The following CACNA2D1 variants were observed in gnomAD, a reference collection of about 807,000 sequenced individuals.
CACNA2D1 encodes the protein voltage-dependent calcium channel subunit alpha-2/delta-1.
Under a neutral mutation model 171.5 loss-of-function variants are expected in CACNA2D1, and 53 were observed. The observed-to-expected ratio is 0.31, with a 90% CI of 0.25 to 0.39. CACNA2D1 has a LOEUF of 0.39. CACNA2D1 is among the 10% of genes least tolerant of loss of function. The probability of loss-of-function intolerance (pLI) is 1.00; values close to 1 mark genes in which losing one functional copy is unlikely to be tolerated. For synonymous variants in CACNA2D1, 442 were observed against 443.1 expected (o/e 1.00, Z 0.03); for missense variants, 903 against 1,299.8 (o/e 0.69, Z 4.69).
chr7:82,185,326 G>T (rs1797549289), intron 3 of CACNA2D1, among the ~76,000 whole-genome samples: 1 of 134,854 alleles, frequency 7.4e-6, no homozygotes, highest in Admixed American at 7.5e-5. Context: ...TCACAGATTG[G>T]AACATTAGGC....
intron 1 of CACNA2D1, among the ~76,000 whole-genome samples, chr7:82,407,233 T>C (rs964575967): frequency 6.6e-6 from 1 of 152,190 alleles, no homozygotes; most frequent in Non-Finnish European, 1.5e-5. Context: ...TGCTAGACTA[T>C]GAAAATGCAT....
chr7:82,248,452 T>C (rs777997471), intron 3 of CACNA2D1, among the ~76,000 whole-genome samples: 7 of 152,168 alleles, frequency 4.6e-5, no homozygotes, highest in Non-Finnish European at 1.0e-4. Context: ...GCACATTGTT[T>C]CATAGTCATT....
At chr7:82,329,521 A>G (rs1817047310) in intron 3 of CACNA2D1, among the ~76,000 whole-genome samples, 1 of 152,098 alleles carries the variant, frequency 6.6e-6, no homozygotes, top group Non-Finnish European at 1.5e-5. Flanking sequence ...ATTTATCTCC[A>G]TCTCTCAGAA....
chr7:82,051,347 T>C (rs575094908), intron 10 of CACNA2D1, among the ~76,000 whole-genome samples: 3 of 152,290 alleles, frequency 2.0e-5, no homozygotes, highest in South Asian at 4.1e-4. Context: ...CTTACATTTA[T>C]AAACTGTCAC....
intron 1 of CACNA2D1, among the ~76,000 whole-genome samples, chr7:82,376,650 G>A (rs1473245699): frequency 6.6e-6 from 1 of 152,060 alleles, no homozygotes; most frequent in Non-Finnish European, 1.5e-5. Flanking sequence ...TAGAAGCCTG[G>A]ATCTGTGTAT....
At chr7:82,043,543 A>T (rs937168797) in intron 10 of CACNA2D1, among the ~76,000 whole-genome samples, 1 of 152,214 alleles carries the variant, frequency 6.6e-6, no homozygotes, top group Non-Finnish European at 1.5e-5. Flanking sequence ...AATGCATTTC[A>T]ATACTTCCAA....
chr7:82,123,567 C>G (rs1789990657), intron 5 of CACNA2D1, among the ~76,000 whole-genome samples: 1 of 152,128 alleles, frequency 6.6e-6, no homozygotes, highest in African/African-American at 2.4e-5. Context: ...TACAGCAGCT[C>G]CTTCACAGGC....
At chr7:81,951,976 T>TTTTTTTTTTTTTTTTTTTGTTTTTTG (rs1792621412) in intron 38 of CACNA2D1, among the ~76,000 whole-genome samples, 1 of 148,002 alleles carries the variant, frequency 6.8e-6, no homozygotes, top group African/African-American at 2.5e-5. Flanking sequence ...AGTGTTTTTT[T>TTTTTTTTTTTTTTTTTTTGTTTTTTG]TTTTTTTTTT....
At chr7:82,212,665 G>A (rs1800687651) in intron 3 of CACNA2D1, among the ~76,000 whole-genome samples, 1 of 152,214 alleles carries the variant, frequency 6.6e-6, no homozygotes, top group South Asian at 2.1e-4. Context: ...AGTCATGGCT[G>A]AAGCCATTTG....
At chr7:82,076,364 A>G (rs940652337) in intron 7 of CACNA2D1, among the ~76,000 whole-genome samples, 45 of 152,106 alleles carry the variant, frequency 3.0e-4, no homozygotes, top group African/African-American at 1.1e-3. Flanking sequence ...CCTCTTGTCA[A>G]CACCTCAAAC....
chr7:82,385,852 A>T (rs1258712083), intron 1 of CACNA2D1, among the ~76,000 whole-genome samples: 1 of 151,944 alleles, frequency 6.6e-6, no homozygotes, highest in Non-Finnish European at 1.5e-5. Flanking sequence ...TTTAGTAGAG[A>T]CGGGGTTTCA....
rs747843223 is a variant in CACNA2D1 at position 82,060,201 on chromosome 7, T to TATAA, written c.879+226_879+227insTTAT. Reference sequence around the variant, plus strand: ...ATAATATATATATATTATATATATATTATATATATAATATATATATAATAT... The same window carrying TATAA: ...ATAATATATATATATTATATATATATATAATATATATATAATATATATATAATAT... On this transcript the variant is annotated intron_variant, in intron 10 of 38. Transcript: ENST00000356860. 2.1e-3 allele frequency among the ~76,000 whole-genome samples: 22 copies of TATAA among 10,412 alleles called. 2 individuals carry two copies. Among genetic ancestry groups the TATAA allele is most frequent in the Non-Finnish European group, 5.4e-3 (21 of 3,872 alleles). The allele number at this position is 10,412 out of a possible 152,430, so 6.8% of individuals were successfully genotyped here.
chr7:81,965,451 C>T (rs2130331990), intron 32 of CACNA2D1, 143 bp downstream of exon 32: 1 of 673,618 alleles, frequency 1.5e-6, no homozygotes, highest in Admixed American at 2.2e-5. Flanking sequence ...TAATGGTTTA[C>T]ATAACATTAA....
At chr7:82,125,885 A>T (rs2129062584) in intron 5 of CACNA2D1, among the ~76,000 whole-genome samples, 1 of 152,338 alleles carries the variant, frequency 6.6e-6, no homozygotes, top group Admixed American at 6.5e-5. Context: ...AATAAAATGA[A>T]AAATATCTCA....
chr7:82,102,618 G>C (rs776089846), intron 6 of CACNA2D1, among the ~76,000 whole-genome samples: 46 of 152,032 alleles, frequency 3.0e-4, no homozygotes, highest in Admixed American at 5.9e-4. Context: ...GTGGAAAGTG[G>C]GGCAGTCTGC....
At chr7:82,214,019 CTG>C (rs1472654969) in intron 3 of CACNA2D1, among the ~76,000 whole-genome samples, 1 of 152,114 alleles carries the variant, frequency 6.6e-6, no homozygotes, top group Non-Finnish European at 1.5e-5. Flanking sequence ...TGACTTCCTG[CTG>C]TGTCCCCACA....
At chr7:81,984,030 G>C (rs1048233817) in intron 22 of CACNA2D1, among the ~76,000 whole-genome samples, 1 of 152,056 alleles carries the variant, frequency 6.6e-6, no homozygotes, top group African/African-American at 2.4e-5. Context: ...GTATGCACTA[G>C]TATTAATTAC....
intron 12 of CACNA2D1, chr7:82,020,989 C>T (rs1178794336): frequency 6.6e-6 from 1 of 152,140 alleles, no homozygotes; most frequent in Admixed American, 6.6e-5. Flanking sequence ...TCTTGTGTGT[C>T]TTACCTGTGG....
chr7:82,320,576 TA>T (rs1264667148), intron 3 of CACNA2D1, among the ~76,000 whole-genome samples: 1 of 127,658 alleles, frequency 7.8e-6, no homozygotes, highest in East Asian at 2.3e-4. Flanking sequence ...CACACTTGGC[TA>T]ATTTTTTTTT....
Sources: gnomAD v4.1 joint callset for allele counts (sites outside exome capture counted in the v4.1 genomes callset) on GRCh38, gnomAD v4.1.1 for gene constraint, MANE v1.5 for transcripts, NCBI Gene and HGNC (gene_info 2026-07-23, HGNC 2026-07-21) for gene names.